The following SELENOF variants were observed in gnomAD, a reference collection of about 807,000 sequenced individuals.
SELENOF encodes selenoprotein F, also known as 15 kDa selenoprotein.
Under a neutral mutation model 20.5 loss-of-function variants are expected in SELENOF, and 16 were observed. The ratio of observed to expected loss-of-function variants is 0.78; its 90% CI spans 0.53 to 1.19. SELENOF has a LOEUF of 1.19. Ranked by LOEUF, SELENOF falls within the 50% of genes most tolerant of loss-of-function variation. The pLI, the probability that SELENOF is intolerant of heterozygous loss-of-function variation, is 0.00. For missense variants in SELENOF, 215 were observed against 194.2 expected (o/e 1.11, Z -0.64); for synonymous variants, 78 against 74.5 (o/e 1.05, Z -0.24).
At chr1:86,871,886 T>C (rs113384338) in intron 3 of SELENOF, among the ~76,000 whole-genome samples, 4 of 152,290 alleles carry the variant, frequency 2.6e-5, no homozygotes, top group African/African-American at 9.6e-5. Flanking sequence ...AGTCATTAAA[T>C]ATGCAAATAG....
At chr1:86,903,661 C>T (rs565055770) in intron 1 of SELENOF, among the ~76,000 whole-genome samples, 1 of 152,226 alleles carries the variant, frequency 6.6e-6, no homozygotes, top group East Asian at 1.9e-4. Context: ...GTGGTGCAAC[C>T]TCGGCTCACT....
At position 86,868,151 on chromosome 1, in the gene SELENOF, C is replaced by A. The variant is rs1171791941; in HGVS notation, c.317-49G>T. ...TCAGTAGTTCACTTCCAAATCCAAG[C>A]TAGCTAAAAAGATTAATATAAAAGT... On this transcript the variant is annotated intron_variant, in intron 3 of 4. Transcript: ENST00000331835. 25 of 878,438 alleles carry A rather than the reference C, an allele frequency of 2.8e-5. No homozygotes were observed. The East Asian group carries it at 6.0e-4, about 21-fold the overall frequency. 54.4% of individuals were successfully genotyped at this position (878,438 alleles called of 1,614,324 possible).
intron 2 of SELENOF, among the ~76,000 whole-genome samples, chr1:86,885,737 AGCT>A (rs1480113817): frequency 1.3e-5 from 2 of 152,214 alleles, no homozygotes; most frequent in African/African-American, 2.4e-5. Flanking sequence ...AAAGAGTCCA[AGCT>A]GTCAAATCAA....
At chr1:86,881,879 G>A (rs946550080) in intron 2 of SELENOF, among the ~76,000 whole-genome samples, 1 of 152,024 alleles carries the variant, frequency 6.6e-6, no homozygotes, top group Non-Finnish European at 1.5e-5. Context: ...AACCAATGAT[G>A]GATTTCAGAT....
intron 3 of SELENOF, among the ~76,000 whole-genome samples, chr1:86,869,025 T>C (rs890609438): frequency 6.6e-6 from 1 of 152,164 alleles, no homozygotes; most frequent in Non-Finnish European, 1.5e-5. Context: ...TCACATATAA[T>C]TGAAGAAATG....
intron 1 of SELENOF, among the ~76,000 whole-genome samples, chr1:86,908,811 C>T (rs1331830904): frequency 6.6e-6 from 1 of 152,118 alleles, no homozygotes; most frequent in Non-Finnish European, 1.5e-5. Flanking sequence ...TCACTTAGTT[C>T]TGGGGAGCGT....
At chr1:86,891,204 C>A (rs1396575826) in intron 2 of SELENOF, among the ~76,000 whole-genome samples, 1 of 152,008 alleles carries the variant, frequency 6.6e-6, no homozygotes, top group African/African-American at 2.4e-5. Context: ...CATGTGCCAC[C>A]ACGCCTGGCT....
At chr1:86,887,889 GA>G (rs1015215612) in intron 2 of SELENOF, among the ~76,000 whole-genome samples, 7 of 150,854 alleles carry the variant, frequency 4.6e-5, no homozygotes, top group African/African-American at 1.5e-4. Context: ...ATCACATGAT[GA>G]AAAAAAAAGT....
chr1:86,875,843 A>T (rs1434721517), intron 3 of SELENOF, among the ~76,000 whole-genome samples: 2 of 152,230 alleles, frequency 1.3e-5, no homozygotes, highest in African/African-American at 2.4e-5. Context: ...CACAAGAATT[A>T]GGAAGCAGCA....
At chr1:86,876,991 T>C (rs1343190299) in intron 3 of SELENOF, among the ~76,000 whole-genome samples, 2 of 152,222 alleles carry the variant, frequency 1.3e-5, no homozygotes, top group Non-Finnish European at 2.9e-5. Context: ...ACTTGAATGT[T>C]TTTTAAAGAT....
In SELENOF at chr1:86,903,281, CT is replaced by C; in HGVS notation, c.251del (p.Lys84SerfsTer48). 6.2e-7 allele frequency: 1 copy of C among 1,609,392 alleles called. No individual in the cohort carries two copies. Among genetic ancestry groups the C allele is most frequent in the Non-Finnish European group, 8.5e-7 (1 of 1,177,962 alleles). On this transcript the variant is annotated frameshift_variant and splice_region_variant, in exon 2 of 5. Transcript: ENST00000331835. LOFTEE classifies it high-confidence loss of function. ...CQEEAQFETKKLYAGAILEVC... is the reference protein window; with the variant it reads ...CQEEAQFETKXLYAGAILEVC... ...GAAGGAATATACTAGAAAACAGTACCTTTTTGGTTTCAAATTGTGCTTCCTC... is the reference window on the plus strand; with the variant it reads ...GAAGGAATATACTAGAAAACAGTACCTTTTGGTTTCAAATTGTGCTTCCTC...
At chr1:86,891,053 C>CTTT (rs34603223) in intron 2 of SELENOF, among the ~76,000 whole-genome samples, 1 of 139,862 alleles carries the variant, frequency 7.1e-6, no homozygotes, top group African/African-American at 2.6e-5. Context: ...CCTATTTTTT[C>CTTT]TTTTTTTTTT....
At chr1:86,903,877 G>C (rs570213596) in intron 1 of SELENOF, among the ~76,000 whole-genome samples, 8 of 152,290 alleles carry the variant, frequency 5.3e-5, no homozygotes, top group African/African-American at 1.9e-4. Flanking sequence ...ACCTCGCCCA[G>C]CAATAAATTC....
intron 2 of SELENOF, among the ~76,000 whole-genome samples, chr1:86,892,113 T>C (rs941547499): frequency 6.6e-6 from 1 of 152,020 alleles, no homozygotes; most frequent in Non-Finnish European, 1.5e-5. Flanking sequence ...TTTGTATTTT[T>C]AGTAGAGACG....
At chr1:86,881,200 G>A (rs1190439323) in intron 2 of SELENOF, among the ~76,000 whole-genome samples, 1 of 151,500 alleles carries the variant, frequency 6.6e-6, no homozygotes, top group African/African-American at 2.4e-5. Context: ...AAAGTACTAT[G>A]TGGAGATATT....
chr1:86,872,610 A>G (rs1408545864), intron 3 of SELENOF, among the ~76,000 whole-genome samples: 2 of 150,178 alleles, frequency 1.3e-5, no homozygotes, highest in Admixed American at 6.6e-5. Context: ...CGAATTCCCA[A>G]CCTCAGGTGA....
At chr1:86,870,142 A>G (rs193163495) in intron 3 of SELENOF, among the ~76,000 whole-genome samples, 57 of 152,308 alleles carry the variant, frequency 3.7e-4, no homozygotes, top group African/African-American at 1.3e-3. Flanking sequence ...TCATTTGCAT[A>G]ATTCTCATCT....
At chr1:86,892,400 T>C (rs1039255327) in intron 2 of SELENOF, among the ~76,000 whole-genome samples, 1 of 152,266 alleles carries the variant, frequency 6.6e-6, no homozygotes, top group African/African-American at 2.4e-5. Flanking sequence ...ATTTTTGCTT[T>C]GAAGATACCA....
intron 2 of SELENOF, among the ~76,000 whole-genome samples, chr1:86,891,378 A>C (rs1398872096): frequency 6.6e-6 from 1 of 152,132 alleles, no homozygotes; most frequent in Non-Finnish European, 1.5e-5. Context: ...CTCCTTGAAG[A>C]CAAGGAGTCT....
Sources: allele counts gnomAD v4.1 joint callset (sites outside exome capture counted in the v4.1 genomes callset), GRCh38; gene constraint gnomAD v4.1.1; transcripts MANE v1.5; gene names NCBI Gene and HGNC (gene_info 2026-07-23, HGNC 2026-07-21).